Variants in NOL9 observed in about 807,000 individuals in gnomAD.
NOL9 encodes polynucleotide 5'-hydroxyl-kinase NOL9.
In NOL9, 28 loss-of-function variants were observed where a neutral mutation model predicts 67.9. The ratio of observed to expected loss-of-function variants is 0.41; its 90% confidence interval spans 0.31 to 0.57. NOL9 has a LOEUF of 0.57. Among genes scored for constraint, NOL9 ranks in the 20% least tolerant of loss-of-function variants. The probability of loss-of-function intolerance (pLI) is 0.25; values close to 1 mark genes in which losing one functional copy is unlikely to be tolerated. For missense variants in NOL9, 777 were observed against 897.0 expected, an observed-to-expected ratio of 0.87 and a Z score of 1.71; for synonymous variants, 356 against 352.2, an observed-to-expected ratio of 1.01 and a Z score of -0.12.
At position 6,523,834 on chromosome 1, in the gene NOL9, G is replaced by A. The variant is rs1337181009; in HGVS notation, c.*2020C>T. ...AGGCAACGATTTTTCTTTACTGATA[G>A]GGACTGAAGAAAAAGACTTGACCTT... On this transcript the variant is annotated 3_prime_UTR_variant, in exon 12 of 12. Coordinates refer to ENST00000377705, the MANE Select transcript of NOL9 (RefSeq NM_024654.5). 3 of 152,102 alleles carry A rather than the reference G, an allele frequency of 2.0e-5. No homozygotes were observed. Among genetic ancestry groups the A allele is most frequent in the Non-Finnish European group, 4.4e-5 (3 of 68,038 alleles). The allele number at this position is 152,102 out of a possible 1,614,324, so 9.4% of individuals were successfully genotyped here. A position where few individuals can be genotyped will look rare whatever the true frequency, so the allele number is the denominator to read the frequency against.
chr1:6,545,919 CAAAAAAAAAA>C (rs66980518), intron 3 of NOL9, among the ~76,000 whole-genome samples: 11 of 59,684 alleles, frequency 1.8e-4, no homozygotes, highest in African/African-American at 2.4e-4. Flanking sequence ...GTCTGTGTCT[CAAAAAAAAAA>C]AAAAAAAAAA....
intron 3 of NOL9, among the ~76,000 whole-genome samples, chr1:6,545,556 C>T (rs1639401517): frequency 6.6e-6 from 1 of 152,122 alleles, no homozygotes; most frequent in Non-Finnish European, 1.5e-5. Flanking sequence ...ACGGACAGAA[C>T]ATATGCAAAC....
intron 6 of NOL9, among the ~76,000 whole-genome samples, chr1:6,538,589 T>G (rs895702034): frequency 6.6e-6 from 1 of 152,016 alleles, no homozygotes; most frequent in African/African-American, 2.4e-5. Context: ...GGAGAATCAC[T>G]TGAACCCAGG....
rs556165060 is a variant in NOL9 at position 6,526,414 on chromosome 1, C to T, written c.1959+282G>A. Among the ~76,000 whole-genome samples the T allele has an allele frequency of 4.4e-3, 668 of 152,230 alleles. 10 individuals carry two copies. Among genetic ancestry groups the T allele is most frequent in the African/African-American group, 0.016 (647 of 41,538 alleles). On this transcript the variant is annotated intron_variant, in intron 11 of 11. Transcript: ENST00000377705. Reference sequence around the variant, plus strand: ...GAAGACTGTCCTCAGGAGGGCAAACCTGGGAGGGCCTCTGCTTGCTCCAAC... The same window carrying T: ...GAAGACTGTCCTCAGGAGGGCAAACTTGGGAGGGCCTCTGCTTGCTCCAAC...
chr1:6,532,768 G>GA lies in NOL9; in HGVS notation c.1238-9dup. ...GAAGCAGGAGCCCCTGGTCTGTGGG[G>GA]AAGAGACATTAGCACAGCTGATACA... is the stretch of plus-strand genomic sequence containing the variant. On this transcript the variant is annotated splice_polypyrimidine_tract_variant and intron_variant, in intron 7 of 11. Coordinates refer to ENST00000377705, the MANE Select transcript of NOL9 (RefSeq NM_024654.5). 6.2e-7 allele frequency: 1 copy of GA among 1,607,490 alleles called. No individual in the cohort carries two copies.
At position 6,525,667 on chromosome 1, in the gene NOL9, T is replaced by C. The variant is rs1340950728; in HGVS notation, c.*187A>G. 2.5e-5 allele frequency: 16 copies of C among 639,880 alleles called. No homozygotes were observed. The highest frequency in any genetic ancestry group is 4.3e-5 in the Non-Finnish European group (16 of 369,038). The allele number at this position is 639,880 out of a possible 1,614,324, so 39.6% of individuals were successfully genotyped here. On this transcript the variant is annotated 3_prime_UTR_variant, in exon 12 of 12. Coordinates refer to ENST00000377705, the MANE Select transcript of NOL9 (RefSeq NM_024654.5). ...GTATCACACAGAAGACTAGAACAAA[T>C]TCTAGCTCATGCAGCTTTAAAAGAG...
intron 3 of NOL9, 36 bp from the exon 4 acceptor site, chr1:6,545,216 T>G: frequency 6.3e-7 from 1 of 1,590,964 alleles, no homozygotes; most frequent in Non-Finnish European, 8.6e-7. Flanking sequence ...GGTGAAAAAA[T>G]GCATATTTTT....
chr1:6,544,949 T>G, intron 4 of NOL9, 27 bp from the exon 5 acceptor site: 2 of 1,614,226 alleles, frequency 1.2e-6, no homozygotes, highest in Non-Finnish European at 1.7e-6. Context: ...CATTGATCGC[T>G]AGAATTAGCC....
Position 6,525,739 on chromosome 1 carries a change from T to A in NOL9, c.*115A>T. ...CATTCACGAATTACACAAAAAACACTGTTGCTAATAAGGGCACCATTCATG... is the reference window on the plus strand; with the variant it reads ...CATTCACGAATTACACAAAAAACACAGTTGCTAATAAGGGCACCATTCATG... On this transcript the variant is annotated 3_prime_UTR_variant, in exon 12 of 12. Coordinates refer to ENST00000377705, the MANE Select transcript of NOL9 (RefSeq NM_024654.5). 1.9e-6 allele frequency: 2 copies of A among 1,049,916 alleles called. No individual in the cohort carries two copies. Among genetic ancestry groups the A allele is most frequent in the South Asian group, 1.5e-5 (1 of 68,212 alleles). 65.0% of individuals were successfully genotyped at this position (1,049,916 alleles called of 1,614,324 possible). A position where few individuals can be genotyped will look rare whatever the true frequency, so the allele number is the denominator to read the frequency against.
At chr1:6,543,298 C>A (rs1378212450) in intron 5 of NOL9, among the ~76,000 whole-genome samples, 1 of 152,036 alleles carries the variant, frequency 6.6e-6, no homozygotes, top group Non-Finnish European at 1.5e-5. Flanking sequence ...CAGGTTCACG[C>A]CATTCTCCTG....
In NOL9 at chr1:6,545,200, C is replaced by CT. The variant is rs776109727; in HGVS notation, c.745-21dup. On this transcript the variant is annotated intron_variant, in intron 3 of 11. Coordinates refer to ENST00000377705, the MANE Select transcript of NOL9 (RefSeq NM_024654.5). ...TGGACTCTGAAATCAACAATTTAAACTTTAAGGTGAAAAAATGCATATTTT... is the reference window on the plus strand; with the variant it reads ...TGGACTCTGAAATCAACAATTTAAACTTTTAAGGTGAAAAAATGCATATTTT... The CT allele has an allele frequency of 3.3e-5, 53 of 1,599,402 alleles. No homozygotes were observed. The highest frequency in any genetic ancestry group is 4.5e-5 in the Non-Finnish European group (53 of 1,174,598).
At position 6,550,405 on chromosome 1, in the gene NOL9, G is replaced by C. The variant is rs757754581; in HGVS notation, c.607C>G (p.Leu203Val). 1.2e-5 allele frequency: 20 copies of C among 1,613,578 alleles called. No homozygotes were observed. Among genetic ancestry groups the C allele is most frequent in the Non-Finnish European group, 1.6e-5 (19 of 1,179,616 alleles). The change falls in exon 2 of 12, where the codon CTT (leucine) becomes GTT (valine). Residue 203 changes from leucine to valine, a missense_variant. Physicochemically the swap from Leu to Val is conservative, Grantham distance 32. This residue lies in a region of NOL9 where 364 missense variants were observed against 344.4 expected (regional missense o/e 1.06). Transcript: ENST00000377705. ...REARNLLKSH[L>V]NLDDRRWSMQ... ...CAGTTCTTTTCATTACCAAGGTTAA[G>C]ATGAGATTTGAGCAAATTCCGGGCT...
At chr1:6,528,901 A>T in intron 10 of NOL9, 93 bp downstream of exon 10, 1 of 1,270,652 alleles carries the variant, frequency 7.9e-7, no homozygotes. Context: ...TCTGTAGCTT[A>T]GACACAGCTA....
chr1:6,540,721 G>A (rs1639267532), intron 6 of NOL9: 1 of 152,082 alleles, frequency 6.6e-6, no homozygotes, highest in African/African-American at 2.4e-5. Flanking sequence ...AGCTACTCAG[G>A]AGGCTGATAC....
intron 3 of NOL9, chr1:6,547,893 C>T (rs1003640752): frequency 1.7e-5 from 3 of 175,852 alleles, no homozygotes; most frequent in African/African-American, 4.8e-5. Flanking sequence ...GTTGTCTACA[C>T]GAAGTGAGAA....
At chr1:6,550,681 A>ATAT in intron 1 of NOL9, 66 bp from the exon 2 acceptor site, 19 of 1,002,420 alleles carry the variant, frequency 1.9e-5, no homozygotes, top group Admixed American at 6.6e-5. Flanking sequence ...ACATTCTAAA[A>ATAT]TCTTTTTTTT....
chr1:6,548,561 G>T, intron 3 of NOL9: 2 of 360,194 alleles, frequency 5.6e-6, no homozygotes, highest in South Asian at 5.0e-5. Flanking sequence ...TTTCCTTCTC[G>T]AGGAGGAGAA....
intron 3 of NOL9, among the ~76,000 whole-genome samples, chr1:6,549,076 C>T (rs1037588478): frequency 6.6e-6 from 1 of 151,334 alleles, no homozygotes; most frequent in Non-Finnish European, 1.5e-5. Flanking sequence ...GAGAGAGAGT[C>T]CATCTCAAAA....
chr1:6,544,778 T>C, intron 5 of NOL9, 48 bp downstream of exon 5: 2 of 1,595,670 alleles, frequency 1.3e-6, no homozygotes, highest in South Asian at 2.2e-5. Flanking sequence ...TCCCACTTCA[T>C]GACAAAAACC....
Sources: gnomAD v4.1 joint callset for allele counts (sites outside exome capture counted in the v4.1 genomes callset) on GRCh38, gnomAD v4.1.1 for gene constraint, gnomAD v4.1.1 regional missense constraint, MANE v1.5 for transcripts, NCBI Gene and HGNC (gene_info 2026-07-23, HGNC 2026-07-21) for gene names.